NF1: variants seen among roughly 807,000 people sequenced by gnomAD.
NF1 encodes the protein neurofibromin 1.
Under a neutral mutation model 325.7 loss-of-function variants are expected in NF1, and 122 were observed. The observed-to-expected ratio is 0.37, with a 90% CI of 0.32 to 0.44. The LOEUF is 0.44. Ranked by LOEUF, NF1 falls within the 20% of genes least tolerant of loss-of-function variation. The probability of loss-of-function intolerance (pLI) is 1.00; values close to 1 mark genes in which losing one functional copy is unlikely to be tolerated. For synonymous variants in NF1, 1,091 were observed against 1,186.0 expected (o/e 0.92, Z 1.65); for missense variants, 2,140 against 3,415.4 (o/e 0.63, Z 9.31).
Position 31,230,838 on chromosome 17 carries a change from A to T in NF1, c.3114-4A>T, listed in dbSNP as rs201550230. 1 of 1,586,672 alleles carries T rather than the reference A, an allele frequency of 6.3e-7. No homozygotes were observed. Among genetic ancestry groups the T allele is most frequent in the Non-Finnish European group, 8.6e-7 (1 of 1,156,280 alleles). On this transcript the variant is annotated splice_region_variant and splice_polypyrimidine_tract_variant and intron_variant, in intron 23 of 57. Coordinates refer to ENST00000358273, the MANE Select transcript of NF1 (RefSeq NM_001042492.3). ...CTGTTTCTCTTTTCTCCACCATTCT[A>T]TAGGAATAAGATGGTAGAATACCTG...
chr17:31,318,918 A>G (rs763579803), intron 36 of NF1: 5 of 1,614,084 alleles, frequency 3.1e-6, no homozygotes, highest in South Asian at 2.2e-5. Context: ...ACAGACGGGT[A>G]TAGTTTGCTT....
chr17:31,227,404 C>A (rs886278620), intron 19 of NF1, 113 bp downstream of exon 19: 6 of 1,388,164 alleles, frequency 4.3e-6, no homozygotes, highest in African/African-American at 4.3e-5. Flanking sequence ...AAGATACGTG[C>A]ATATTACAAG....
At chr17:31,367,533 A>AAC (rs768236443) in intron 57 of NF1, among the ~76,000 whole-genome samples, 14 of 152,210 alleles carry the variant, frequency 9.2e-5, no homozygotes, top group Non-Finnish European at 1.9e-4. Context: ...TACCTGGACT[A>AAC]ACAAAGGCAG....
At chr17:31,214,835 C>G (rs1481034452) in intron 13 of NF1, among the ~76,000 whole-genome samples, 1 of 152,124 alleles carries the variant, frequency 6.6e-6, no homozygotes, top group East Asian at 1.9e-4. Flanking sequence ...TATCATTAAA[C>G]TAACATACTT....
intron 13 of NF1, among the ~76,000 whole-genome samples, chr17:31,217,945 A>C (rs2066850644): frequency 6.6e-6 from 1 of 151,920 alleles, no homozygotes; most frequent in Non-Finnish European, 1.5e-5. Context: ...GTTTCAAAAA[A>C]AAAAAAAAAA....
At position 31,227,575 on chromosome 17, in the gene NF1, A is replaced by C. The variant is rs772543826; in HGVS notation, c.2378A>C (p.Asn793Thr). 1.2e-5 allele frequency: 20 copies of C among 1,613,882 alleles called. No individual in the cohort carries two copies. Among genetic ancestry groups the C allele is most frequent in the Non-Finnish European group, 1.5e-5 (18 of 1,179,834 alleles). The change falls in exon 20 of 58, where the codon AAC (asparagine) becomes ACC (threonine). Residue 793 changes from asparagine (N) to threonine (T), a missense_variant. Transcript: ENST00000358273. ...KWEQATKLIL[N>T]YPKAKMEDGQ... is the part of the protein sequence containing the mutation. ...GAACAAGCAACAAAGCTAATCCTTA[A>C]CTATCCAAAAGCCAAAATGGAAGAT...
rs1418605736 is a variant in NF1, at chr17:31,334,899, T to A, written c.5874T>A (p.Arg1958=). Residue 1958 remains arginine (R), a synonymous_variant, in exon 40 of 58, where the codon CGT becomes CGA. Coordinates refer to ENST00000358273, the MANE Select transcript of NF1 (RefSeq NM_001042492.3). ...YMTPWLSNLV[R]FCKHNDDAKR... ...CTCCATGGCTGTCAAATCTAGTTCG[T>A]TTTTGCAAGCATAATGATGATGCCA... 1 of 1,613,918 alleles carries A rather than the reference T, an allele frequency of 6.2e-7. No homozygotes were observed. Among genetic ancestry groups the A allele is most frequent in the Non-Finnish European group, 8.5e-7 (1 of 1,179,970 alleles).
chr17:31,250,338 A>C (rs1454199990), intron 30 of NF1: 1 of 216,578 alleles, frequency 4.6e-6, no homozygotes, highest in African/African-American at 2.3e-5. Context: ...TTTCTCTTTA[A>C]ATTTTATTTA....
chr17:31,229,824 T>C lies in NF1; in HGVS notation c.2851-11T>C, dbSNP rs1332945782. On this transcript the variant is annotated splice_polypyrimidine_tract_variant and intron_variant, in intron 21 of 57. Transcript: ENST00000358273. Reference sequence around the variant, plus strand: ...GATGGCAAATCATTAATGTATTTGTTCTTTCTTTAGGTTTTATTGACTGAT... The same window carrying C: ...GATGGCAAATCATTAATGTATTTGTCCTTTCTTTAGGTTTTATTGACTGAT... The C allele has an allele frequency of 1.1e-5, 17 of 1,611,558 alleles. No homozygotes were observed. The highest frequency in any genetic ancestry group is 2.2e-5 in the East Asian group (1 of 44,878).
At chr17:31,159,652 T>C (rs917719405) in intron 3 of NF1, among the ~76,000 whole-genome samples, 1 of 152,208 alleles carries the variant, frequency 6.6e-6, no homozygotes, top group Non-Finnish European at 1.5e-5. Flanking sequence ...GTTACCACAG[T>C]GTATTTCAAC....
rs140337085 is a variant in NF1, at chr17:31,278,669, C to G, written c.4835+13330C>G. ...CGCTCTTGTTGCCTAGGCTGGAGTG[C>G]AGTGGCACGATCTCAGCTCACTGCA... On this transcript the variant is annotated intron_variant, in intron 36 of 57. Coordinates refer to ENST00000358273, the MANE Select transcript of NF1 (RefSeq NM_001042492.3). Among the ~76,000 whole-genome samples the G allele has an allele frequency of 9.4e-3, 1,410 of 150,342 alleles. 23 individuals carry two copies. Among genetic ancestry groups the G allele is most frequent in the African/African-American group, 0.033 (1,329 of 40,848 alleles).
chr17:31,308,145 CT>C (rs953335153), intron 36 of NF1, among the ~76,000 whole-genome samples: 131 of 145,438 alleles, frequency 9.0e-4, no homozygotes, highest in Admixed American at 2.7e-3. Flanking sequence ...CTTCCTTTTT[CT>C]TTTTTTTTTT....
chr17:31,141,605 A>G (rs908671698), intron 1 of NF1, among the ~76,000 whole-genome samples: 29 of 152,290 alleles, frequency 1.9e-4, no homozygotes, highest in African/African-American at 7.0e-4. Context: ...TGTATTAGTT[A>G]TCTATTGCTG....
chr17:31,343,602 A>G (rs1048305452), intron 48 of NF1, among the ~76,000 whole-genome samples: 2 of 152,152 alleles, frequency 1.3e-5, no homozygotes, highest in African/African-American at 2.4e-5. Context: ...GTTTTATTCA[A>G]TATGTGTTTT....
chr17:31,147,371 G>A (rs1485252460), intron 1 of NF1, among the ~76,000 whole-genome samples: 2 of 152,172 alleles, frequency 1.3e-5, no homozygotes, highest in African/African-American at 4.8e-5. Flanking sequence ...GTGAAATTAA[G>A]CTCACAATTG....
intron 8 of NF1, chr17:31,183,026 C>G (rs2066166591): frequency 1.9e-6 from 1 of 529,294 alleles, no homozygotes; most frequent in Non-Finnish European, 3.3e-6. Context: ...TTTGCATGTA[C>G]TTAGGGTATG....
chr17:31,202,632 C>T (rs2066550527), intron 11 of NF1, among the ~76,000 whole-genome samples: 1 of 152,110 alleles, frequency 6.6e-6, no homozygotes, highest in African/African-American at 2.4e-5. Flanking sequence ...CTGCATCTCC[C>T]CATCCCTAGT....
intron 29 of NF1, among the ~76,000 whole-genome samples, chr17:31,238,172 G>T (rs2067235509): frequency 6.6e-6 from 1 of 152,086 alleles, no homozygotes; most frequent in Non-Finnish European, 1.5e-5. Flanking sequence ...ACTCCTAGGG[G>T]CCTAGTCTTG....
At chr17:31,153,773 ATT>A (rs529461938) in intron 1 of NF1, among the ~76,000 whole-genome samples, 23 of 125,748 alleles carry the variant, frequency 1.8e-4, no homozygotes, top group Non-Finnish European at 2.7e-4. Context: ...CCAAGCCTAG[ATT>A]TTTTTTTTTT....
Sources: gnomAD v4.1 joint callset for allele counts (sites outside exome capture counted in the v4.1 genomes callset) on GRCh38, gnomAD v4.1.1 for gene constraint, MANE v1.5 for transcripts, NCBI Gene and HGNC (gene_info 2026-07-23, HGNC 2026-07-21) for gene names.